ZC3H12B: variants seen among roughly 807,000 people sequenced by gnomAD.
ZC3H12B encodes zinc finger CCCH-type containing 12B, also known as probable ribonuclease ZC3H12B.
A neutral mutation model predicts 43.9 loss-of-function variants in ZC3H12B; 7 were observed. The ratio of observed to expected loss-of-function variants is 0.16; its 90% CI spans 0.09 to 0.30. The LOEUF (loss-of-function observed/expected upper bound fraction) is 0.30, where lower values mean the gene tolerates loss of function less well. Ranked by LOEUF, ZC3H12B falls within the 10% of genes least tolerant of loss-of-function variation. The pLI, the probability that ZC3H12B is intolerant of heterozygous loss-of-function variation, is 1.00. For synonymous variants in ZC3H12B, 222 were observed against 241.7 expected, an observed-to-expected ratio of 0.92 and a Z score of 0.76; for missense variants, 475 against 670.2, an observed-to-expected ratio of 0.71 and a Z score of 3.22.
chrX:65,376,739 C>G (rs1167004282), intron 2 of ZC3H12B, among the ~76,000 whole-genome samples: 2 of 111,877 alleles, frequency 1.8e-5, no homozygotes, highest in Non-Finnish European at 3.8e-5. Flanking sequence ...AATGCAGATA[C>G]AGCTAACGTC....
chrX:65,154,495 A>G, the ZC3H12B span, among the ~76,000 whole-genome samples: 3 of 111,980 alleles, frequency 2.7e-5, no homozygotes, highest in Non-Finnish European at 3.8e-5. Flanking sequence ...GATTTTCTAC[A>G]TGGACATTTA....
At chrX:65,102,660 C>T in the ZC3H12B span, among the ~76,000 whole-genome samples, 54 of 111,503 alleles carry the variant, frequency 4.8e-4, no homozygotes, top group Non-Finnish European at 7.7e-4. Flanking sequence ...AGTAAAATAC[C>T]TAGGAATACA....
At chrX:65,086,556 G>A in the ZC3H12B span, among the ~76,000 whole-genome samples, 1 of 111,246 alleles carries the variant, frequency 9.0e-6, no homozygotes, top group African/African-American at 3.3e-5. Context: ...GGGCCTTTAG[G>A]AGGTTATTAG....
the ZC3H12B span, among the ~76,000 whole-genome samples, chrX:65,086,505 ATGTTGAAACCTAATTAC>A: frequency 9.0e-6 from 1 of 111,685 alleles, no homozygotes; most frequent in East Asian, 2.8e-4. Flanking sequence ...CGAAATCCAT[ATGTTGAAACCTAATTAC>A]TGTTGTGAGG....
chrX:65,468,465 G>A (rs1176829918), intron 3 of ZC3H12B, among the ~76,000 whole-genome samples: 2 of 105,494 alleles, frequency 1.9e-5, no homozygotes, highest in Admixed American at 1.0e-4. Context: ...ATGAATTTTA[G>A]GATTGTTTAT....
At chrX:65,049,900 C>G in the ZC3H12B span, among the ~76,000 whole-genome samples, 1 of 111,179 alleles carries the variant, frequency 9.0e-6, no homozygotes, top group African/African-American at 3.3e-5. Flanking sequence ...TGAGATCTTT[C>G]TTTCTTTTAA....
chrX:65,494,730 G>A (rs1482626927), intron 1 of ZC3H12B, among the ~76,000 whole-genome samples: 2 of 109,000 alleles, frequency 1.8e-5, no homozygotes, highest in South Asian at 3.9e-4. Context: ...GCAGTGAGCC[G>A]AGATGGTGCC....
the ZC3H12B span, among the ~76,000 whole-genome samples, chrX:65,176,967 AAACAAC>A: frequency 8.9e-6 from 1 of 112,091 alleles, no homozygotes; most frequent in Non-Finnish European, 1.9e-5. Context: ...TCTGGCAAAG[AAACAAC>A]AACAACAAAA....
At chrX:65,241,155 TGA>T in the ZC3H12B span, among the ~76,000 whole-genome samples, 2 of 112,430 alleles carry the variant, frequency 1.8e-5, no homozygotes, top group East Asian at 5.7e-4. Context: ...CTGGAAAGGC[TGA>T]GTTGACTGAA....
At chrX:65,370,541 C>T (rs1377641042) in intron 2 of ZC3H12B, among the ~76,000 whole-genome samples, 1 of 111,936 alleles carries the variant, frequency 8.9e-6, no homozygotes, top group African/African-American at 3.2e-5. Context: ...TTACCATATG[C>T]TAGTCACTAA....
intron 3 of ZC3H12B, among the ~76,000 whole-genome samples, chrX:65,445,107 TTC>T (rs2067358655): frequency 8.9e-6 from 1 of 112,376 alleles, no homozygotes; most frequent in Non-Finnish European, 1.9e-5. Context: ...TCTGAATTCC[TTC>T]TCTGTGTTAT....
the ZC3H12B span, among the ~76,000 whole-genome samples, chrX:65,111,457 T>C: frequency 9.0e-6 from 1 of 111,553 alleles, no homozygotes; most frequent in African/African-American, 3.2e-5. Context: ...TAGCAAATGC[T>C]TTTTCTGCAC....
chrX:65,394,815 T>C (rs1391965431), intron 2 of ZC3H12B, among the ~76,000 whole-genome samples: 1 of 112,228 alleles, frequency 8.9e-6, no homozygotes. Context: ...TTTCAAGATA[T>C]TGATTCTTCC....
the ZC3H12B span, among the ~76,000 whole-genome samples, chrX:65,253,999 C>T: frequency 8.9e-6 from 1 of 111,972 alleles, no homozygotes; most frequent in African/African-American, 3.2e-5. Context: ...CTGCCCTACC[C>T]CACTCCACCC....
exon 5 of ZC3H12B, chrX:65,506,522 ATACT>A (rs1179495411): frequency 8.9e-6 from 1 of 112,273 alleles, no homozygotes; most frequent in Non-Finnish European, 1.9e-5. Context: ...GTCCTTCAGG[ATACT>A]TACCTCTAAG....
chrX:65,297,904 C>A, the ZC3H12B span, among the ~76,000 whole-genome samples: 3 of 111,594 alleles, frequency 2.7e-5, no homozygotes, highest in East Asian at 8.4e-4. Flanking sequence ...GGAAAGGACA[C>A]CCTATTCAGC....
the ZC3H12B span, among the ~76,000 whole-genome samples, chrX:65,330,530 G>T: frequency 6.3e-5 from 7 of 111,254 alleles, no homozygotes; most frequent in Admixed American, 4.8e-4. Flanking sequence ...AGTATGATAT[G>T]GGCTGTGGGT....
At chrX:65,243,106 A>G in the ZC3H12B span, among the ~76,000 whole-genome samples, 4 of 112,160 alleles carry the variant, frequency 3.6e-5, no homozygotes, top group Non-Finnish European at 5.6e-5. Flanking sequence ...ACAGGCAATC[A>G]AATTATAAAT....
chrX:65,488,033 A>G (rs1261010687), upstream of ZC3H12B, among the ~76,000 whole-genome samples: 2 of 110,839 alleles, frequency 1.8e-5, no homozygotes, highest in South Asian at 3.8e-4. Flanking sequence ...CACCATGCCC[A>G]GCTAAATTTT....
Sources: allele counts gnomAD v4.1 joint callset (sites outside exome capture counted in the v4.1 genomes callset), GRCh38; gene constraint gnomAD v4.1.1; transcripts MANE v1.5; gene names NCBI Gene and HGNC (gene_info 2026-07-23, HGNC 2026-07-21).